The following NELL1 variants were observed in gnomAD, a reference collection of about 807,000 sequenced individuals.
NELL1 encodes protein kinase C-binding protein NELL1.
Under a neutral mutation model 107.4 loss-of-function variants are expected in NELL1, and 76 were observed. The ratio of observed to expected loss-of-function variants is 0.71; its 90% confidence interval spans 0.59 to 0.86. NELL1 has a LOEUF of 0.86. Among genes scored for constraint, NELL1 ranks in the 40% least tolerant of loss-of-function variants. NELL1 has a pLI of 0.00. For missense variants in NELL1, 1,024 were observed against 1,005.5 expected, an observed-to-expected ratio of 1.02 and a Z score of -0.25; for synonymous variants, 353 against 341.2, an observed-to-expected ratio of 1.03 and a Z score of -0.38.
chr11:21,415,784 C>A (rs1312287548), intron 15 of NELL1, among the ~76,000 whole-genome samples: 1 of 151,960 alleles, frequency 6.6e-6, no homozygotes, highest in Non-Finnish European at 1.5e-5. Flanking sequence ...CATTCTCTGG[C>A]ACTGGTGCTA....
chr11:21,050,310 T>C (rs559953381), intron 12 of NELL1, among the ~76,000 whole-genome samples: 1 of 152,152 alleles, frequency 6.6e-6, no homozygotes, highest in South Asian at 2.1e-4. Context: ...CTTTCTTCAG[T>C]AAACTAATAA....
intron 3 of NELL1, among the ~76,000 whole-genome samples, chr11:20,808,239 TGGATTC>T (rs1857425616): frequency 6.6e-6 from 1 of 152,142 alleles, no homozygotes; most frequent in Non-Finnish European, 1.5e-5. Flanking sequence ...GAATACTGCC[TGGATTC>T]GGTCCTTTAT....
chr11:21,124,735 G>A (rs1431004124), intron 13 of NELL1, among the ~76,000 whole-genome samples: 1 of 151,888 alleles, frequency 6.6e-6, no homozygotes, highest in African/African-American at 2.4e-5. Flanking sequence ...CCAAGTAGCT[G>A]GGATTACAGG....
intron 13 of NELL1, among the ~76,000 whole-genome samples, chr11:21,122,969 TTC>T (rs1216370416): frequency 8.5e-5 from 13 of 152,288 alleles, no homozygotes; most frequent in African/African-American, 3.1e-4. Context: ...CTTGGTTATT[TTC>T]AGTATGATAG....
chr11:21,551,524 A>C (rs932113740), intron 16 of NELL1, among the ~76,000 whole-genome samples: 3 of 151,778 alleles, frequency 2.0e-5, no homozygotes, highest in Admixed American at 6.6e-5. Flanking sequence ...CAGCCAAAAA[A>C]CACATGAAAA....
chr11:21,289,897 C>T (rs1043024708), intron 14 of NELL1, among the ~76,000 whole-genome samples: 1 of 152,098 alleles, frequency 6.6e-6, no homozygotes, highest in Non-Finnish European at 1.5e-5. Context: ...CTGGGTGGAG[C>T]CTACCACAGC....
chr11:21,070,703 A>G (rs1451791025), intron 12 of NELL1, among the ~76,000 whole-genome samples: 1 of 152,114 alleles, frequency 6.6e-6, no homozygotes, highest in East Asian at 1.9e-4. Context: ...GCACAGTATT[A>G]TTTGAGTATA....
chr11:21,537,986 C>G, intron 16 of NELL1, among the ~76,000 whole-genome samples: 1 of 152,246 alleles, frequency 6.6e-6, no homozygotes, highest in African/African-American at 2.4e-5. Flanking sequence ...GGATTAATGA[C>G]CTGACGTACT....
chr11:21,220,038 T>A (rs1246654287), intron 13 of NELL1, among the ~76,000 whole-genome samples: 6 of 152,142 alleles, frequency 3.9e-5, no homozygotes. Context: ...GAACTCACTA[T>A]CATGAGAACA....
chr11:21,422,970 G>A lies in NELL1; in HGVS notation c.1645+52022G>A, dbSNP rs1313811086. Among the ~76,000 whole-genome samples, 2 of 152,046 alleles carry A rather than the reference G, an allele frequency of 1.3e-5. 1 individual carries two copies. The highest frequency in any genetic ancestry group is 1.3e-4 in the Admixed American group (2 of 15,248). ...AGACTCATTATAGATCCAAAGATAG[G>A]TTAAAAGTGAAAATATGGAAAAAGA... On this transcript the variant is annotated intron_variant, in intron 15 of 19. Transcript: ENST00000357134.
intron 3 of NELL1, among the ~76,000 whole-genome samples, chr11:20,786,458 T>C (rs2403625): frequency 0.29 from 44,719 of 151,726 alleles, 7,397 homozygotes; most frequent in African/African-American, 0.43. Context: ...CACTAGGGAA[T>C]ATATCTGAGT....
chr11:20,738,610 C>T (rs1218691192), intron 2 of NELL1, among the ~76,000 whole-genome samples: 3 of 151,984 alleles, frequency 2.0e-5, no homozygotes, highest in African/African-American at 7.2e-5. Flanking sequence ...GAATAATAGC[C>T]CAGGTTCTGG....
At chr11:21,495,886 A>C in intron 15 of NELL1, among the ~76,000 whole-genome samples, 1 of 151,832 alleles carries the variant, frequency 6.6e-6, no homozygotes, top group South Asian at 2.1e-4. Flanking sequence ...ATACTATATT[A>C]ATATTTTATT....
intron 15 of NELL1, among the ~76,000 whole-genome samples, chr11:21,529,725 T>TCA (rs1159034321): frequency 6.6e-6 from 1 of 152,088 alleles, no homozygotes; most frequent in East Asian, 1.9e-4. Flanking sequence ...GTTGATATTA[T>TCA]TATATATATT....
At chr11:21,185,923 C>T (rs2133829610) in intron 13 of NELL1, among the ~76,000 whole-genome samples, 1 of 151,852 alleles carries the variant, frequency 6.6e-6, no homozygotes, top group Non-Finnish European at 1.5e-5. Context: ...GCAAGGCTAT[C>T]AGGAGCTCAC....
chr11:21,434,815 C>T (rs577648002), intron 15 of NELL1, among the ~76,000 whole-genome samples: 2 of 152,030 alleles, frequency 1.3e-5, no homozygotes, highest in African/African-American at 2.4e-5. Context: ...ATAATATTAA[C>T]TGTCCTATTC....
intron 14 of NELL1, among the ~76,000 whole-genome samples, chr11:21,245,579 T>A (rs1041361811): frequency 6.6e-6 from 1 of 152,212 alleles, no homozygotes; most frequent in Non-Finnish European, 1.5e-5. Context: ...CTCTCTGTCC[T>A]GGCATTTATT....
chr11:21,099,064 A>G (rs1006359221), intron 12 of NELL1, among the ~76,000 whole-genome samples: 3 of 152,028 alleles, frequency 2.0e-5, no homozygotes, highest in African/African-American at 7.2e-5. Flanking sequence ...TCAGCCTTTT[A>G]TTTATTCAAG....
chr11:21,376,112 A>G lies in NELL1; in HGVS notation c.1645+5164A>G, dbSNP rs1565194609. On this transcript the variant is annotated intron_variant, in intron 15 of 19. Coordinates refer to ENST00000357134, the MANE Select transcript of NELL1 (RefSeq NM_006157.5). ...ATTGCTTATGAAGAGTTAGGCATAAATTCTTTCCTAAGGCTGATGTCCATA... is the reference window on the plus strand; with the variant it reads ...ATTGCTTATGAAGAGTTAGGCATAAGTTCTTTCCTAAGGCTGATGTCCATA... Among the ~76,000 whole-genome samples, 5 of 151,380 alleles carry G rather than the reference A, an allele frequency of 3.3e-5. No homozygotes were observed. The South Asian group carries it at 1.0e-3, about 32-fold the overall frequency.
Sources: gnomAD v4.1 joint callset for allele counts (sites outside exome capture counted in the v4.1 genomes callset) on GRCh38, gnomAD v4.1.1 for gene constraint, MANE v1.5 for transcripts, NCBI Gene and HGNC (gene_info 2026-07-23, HGNC 2026-07-21) for gene names.